ATP8A2: variants seen among roughly 807,000 people sequenced by gnomAD.
ATP8A2 encodes the protein ATPase phospholipid transporting 8A2, also known as phospholipid-transporting ATPase IB.
A neutral mutation model predicts 165.6 loss-of-function variants in ATP8A2; 100 were observed. That is an observed-to-expected ratio of 0.60 (90% CI 0.51 to 0.71). The LOEUF is 0.71. Ranked by LOEUF, ATP8A2 falls within the 30% of genes least tolerant of loss-of-function variation. ATP8A2 has a pLI of 0.00. For synonymous variants in ATP8A2, 543 were observed against 548.8 expected (o/e 0.99, Z 0.15); for missense variants, 1,227 against 1,479.5 (o/e 0.83, Z 2.80).
At chr13:25,629,817 G>A (rs561649969) in intron 24 of ATP8A2, among the ~76,000 whole-genome samples, 5 of 152,026 alleles carry the variant, frequency 3.3e-5, no homozygotes, top group South Asian at 2.1e-4. Context: ...TAACATATAC[G>A]GTGTAAATTG....
chr13:25,784,922 C>T (rs1362784865), intron 27 of ATP8A2, among the ~76,000 whole-genome samples: 1 of 151,778 alleles, frequency 6.6e-6, no homozygotes, highest in Non-Finnish European at 1.5e-5. Context: ...CATGCCACCA[C>T]GCCCGGCTAA....
chr13:25,874,145 GATAA>G (rs1952759065), intron 33 of ATP8A2, among the ~76,000 whole-genome samples: 1 of 152,142 alleles, frequency 6.6e-6, no homozygotes, highest in South Asian at 2.1e-4. Context: ...TTGCCCTCAG[GATAA>G]AGCCTGGGGA....
chr13:25,465,692 TTTCTTTCTTTCTTTC>T (rs1566153114), intron 1 of ATP8A2, among the ~76,000 whole-genome samples: 11 of 18,452 alleles, frequency 6.0e-4, no homozygotes, highest in South Asian at 2.5e-3. Flanking sequence ...TCTTTCTTTC[TTTCTTTCTTTCTTTC>T]TTTCTTTCTT....
At chr13:25,711,257 G>A (rs546084750) in intron 25 of ATP8A2, among the ~76,000 whole-genome samples, 212 of 152,200 alleles carry the variant, frequency 1.4e-3, no homozygotes, top group African/African-American at 4.9e-3. Flanking sequence ...AGCCCTCCTC[G>A]GCCTCCCAGA....
At chr13:25,955,004 C>T (rs189079842) in intron 33 of ATP8A2, among the ~76,000 whole-genome samples, 205 of 152,214 alleles carry the variant, frequency 1.3e-3, no homozygotes, top group Middle Eastern at 3.4e-3. Context: ...ATGAGTTTGA[C>T]GAATGGACAG....
chr13:25,686,798 G>C (rs148867100), intron 24 of ATP8A2, among the ~76,000 whole-genome samples: 4 of 152,070 alleles, frequency 2.6e-5, no homozygotes, highest in East Asian at 3.9e-4. Context: ...CTGCGGCTCT[G>C]AATGCCCAGG....
intron 27 of ATP8A2, among the ~76,000 whole-genome samples, chr13:25,817,344 C>T (rs1391865189): frequency 1.1e-4 from 8 of 75,028 alleles, no homozygotes; most frequent in African/African-American, 4.4e-5. Context: ...GTATTATGGT[C>T]TTTTATGGGG....
chr13:25,868,440 A>G (rs1384974742), intron 33 of ATP8A2, among the ~76,000 whole-genome samples: 1 of 152,324 alleles, frequency 6.6e-6, no homozygotes, highest in East Asian at 1.9e-4. Context: ...TCCTATCAGC[A>G]GAGATTCACC....
At chr13:25,689,764 G>A (rs757310642) in intron 24 of ATP8A2, among the ~76,000 whole-genome samples, 1 of 152,128 alleles carries the variant, frequency 6.6e-6, no homozygotes. Context: ...CAACTGTTCC[G>A]TGGGATTATG....
intron 35 of ATP8A2, among the ~76,000 whole-genome samples, chr13:25,997,367 T>C (rs1412457355): frequency 6.6e-6 from 1 of 152,212 alleles, no homozygotes; most frequent in Non-Finnish European, 1.5e-5. Context: ...TGGCTGCCTT[T>C]GGAATCTTTG....
At chr13:25,724,680 G>A (rs886475961) in intron 25 of ATP8A2, among the ~76,000 whole-genome samples, 4 of 152,102 alleles carry the variant, frequency 2.6e-5, no homozygotes, top group African/African-American at 9.7e-5. Flanking sequence ...TAGTCCTTGG[G>A]TCATTTCCTG....
At chr13:25,522,224 G>C (rs2137850508) in intron 2 of ATP8A2, among the ~76,000 whole-genome samples, 1 of 152,180 alleles carries the variant, frequency 6.6e-6, no homozygotes. Flanking sequence ...TACGTTCTTT[G>C]TAGCTATTGT....
chr13:25,863,035 G>C (rs1415844525), intron 33 of ATP8A2, among the ~76,000 whole-genome samples: 1 of 152,090 alleles, frequency 6.6e-6, no homozygotes, highest in Non-Finnish European at 1.5e-5. Context: ...CCACAGTATT[G>C]GGTGTGGAGA....
At chr13:25,915,035 C>T (rs929098785) in intron 33 of ATP8A2, among the ~76,000 whole-genome samples, 4 of 152,252 alleles carry the variant, frequency 2.6e-5, no homozygotes, top group African/African-American at 4.8e-5. Flanking sequence ...CAGAATTCAT[C>T]TCTTTCTGTG....
At chr13:25,428,512 A>T (rs541639644) in intron 1 of ATP8A2, among the ~76,000 whole-genome samples, 35 of 152,274 alleles carry the variant, frequency 2.3e-4, no homozygotes, top group African/African-American at 7.5e-4. Context: ...CCTGGGTGTG[A>T]TATTTAAAGA....
chr13:25,756,390 G>A (rs1256033114), intron 25 of ATP8A2, among the ~76,000 whole-genome samples: 1 of 149,658 alleles, frequency 6.7e-6, no homozygotes, highest in Non-Finnish European at 1.5e-5. Flanking sequence ...GAAGTGGTGT[G>A]GTTGTGGCTC....
chr13:25,813,879 C>T (rs1015367779), intron 27 of ATP8A2, among the ~76,000 whole-genome samples: 3 of 152,156 alleles, frequency 2.0e-5, no homozygotes, highest in Admixed American at 2.0e-4. Flanking sequence ...CTGAAGAGAG[C>T]AGAAGACTGA....
chr13:25,481,821 A>G (rs12716727), intron 2 of ATP8A2, among the ~76,000 whole-genome samples: 99,555 of 151,910 alleles, frequency 0.66, 33,768 homozygotes, highest in Middle Eastern at 0.75. Context: ...GCGAGAGTGA[A>G]GGAGAGACAG....
At chr13:25,748,396 TG>T (rs2044081397) in intron 25 of ATP8A2, among the ~76,000 whole-genome samples, 1 of 152,256 alleles carries the variant, frequency 6.6e-6, no homozygotes, top group South Asian at 2.1e-4. Flanking sequence ...ACTCTTTTTT[TG>T]TTTTAAATGT....
Sources: allele counts gnomAD v4.1 joint callset (sites outside exome capture counted in the v4.1 genomes callset), GRCh38; gene constraint gnomAD v4.1.1; transcripts MANE v1.5; gene names NCBI Gene and HGNC (gene_info 2026-07-23, HGNC 2026-07-21).